Variants in GRAP2 observed in about 807,000 individuals in gnomAD.
GRAP2 encodes GRB2 related adaptor protein 2, also known as GRB2-related adapter protein 2.
In GRAP2, 31 loss-of-function variants were observed where a neutral mutation model predicts 43.5. That is an observed-to-expected ratio of 0.71 (90% CI 0.54 to 0.96). The LOEUF (loss-of-function observed/expected upper bound fraction) is 0.96. Ranked by LOEUF, GRAP2 falls within the 40% of genes least tolerant of loss-of-function variation. The pLI is 0.00. For synonymous variants in GRAP2, 156 were observed against 164.8 expected, an observed-to-expected ratio of 0.95 and a Z score of 0.41; for missense variants, 371 against 424.4, an observed-to-expected ratio of 0.87 and a Z score of 1.11.
chr22:39,930,668 A>G (rs2145604829), intron 1 of GRAP2, among the ~76,000 whole-genome samples: 1 of 152,240 alleles, frequency 6.6e-6, no homozygotes, highest in East Asian at 1.9e-4. Context: ...CTGAATGCAA[A>G]TGTTTTCAAA....
At chr22:39,909,673 A>G (rs922203546) in intron 1 of GRAP2, among the ~76,000 whole-genome samples, 1 of 152,214 alleles carries the variant, frequency 6.6e-6, no homozygotes, top group African/African-American at 2.4e-5. Flanking sequence ...TGAACAGTGT[A>G]TTTGGGAAAC....
chr22:39,921,408 C>T (rs1193861056), intron 1 of GRAP2, among the ~76,000 whole-genome samples: 3 of 152,156 alleles, frequency 2.0e-5, no homozygotes, highest in Admixed American at 6.5e-5. Flanking sequence ...TGCCTGATTC[C>T]GAATGTGAGT....
At chr22:39,929,175 C>T (rs919613340) in intron 1 of GRAP2, among the ~76,000 whole-genome samples, 1 of 152,072 alleles carries the variant, frequency 6.6e-6, no homozygotes, top group Non-Finnish European at 1.5e-5. Context: ...TGATACTGTA[C>T]TATGGTGATG....
Position 39,971,840 on chromosome 22 carries a change from T to C in GRAP2, c.*756T>C, listed in dbSNP as rs919306825. The C allele has an allele frequency of 6.6e-6, 1 of 152,218 alleles. No individual in the cohort carries two copies. The highest frequency in any genetic ancestry group is 1.5e-5 in the Non-Finnish European group (1 of 68,034). 9.4% of individuals were successfully genotyped at this position (152,218 alleles called of 1,614,324 possible). ...AGCAGCTTACTCAGTGGAACCTCTG[T>C]TTCCCCAGCTATGAAGGAAATAGCA... On this transcript the variant is annotated 3_prime_UTR_variant, in exon 8 of 8. Coordinates refer to ENST00000344138, the MANE Select transcript of GRAP2 (RefSeq NM_004810.4).
chr22:39,967,895 C>G (rs1441777373), intron 5 of GRAP2, 147 bp from the exon 6 acceptor site: 1 of 1,000,832 alleles, frequency 1.0e-6, no homozygotes, highest in Non-Finnish European at 1.4e-6. Context: ...AGGTCTAAAG[C>G]ATCAATTATC....
At position 39,969,543 on chromosome 22, in the gene GRAP2, C is replaced by A. The variant is rs746762440; in HGVS notation, c.813+10C>A. ...GCTCCAGGCGGCAGGGGTATGGGAA[C>A]TGTCCTTCTCTGGGATCCCTGGGGA... On this transcript the variant is annotated intron_variant, in intron 7 of 7. Transcript: ENST00000344138. 21 of 1,613,362 alleles carry A rather than the reference C, an allele frequency of 1.3e-5. No homozygotes were observed. In the Admixed American group the frequency reaches 2.8e-4, roughly 22 times the overall value.
rs1328037918 is a variant in GRAP2 at position 39,971,256 on chromosome 22, T to C, written c.*172T>C. On this transcript the variant is annotated 3_prime_UTR_variant, in exon 8 of 8. Transcript: ENST00000344138. ...GGCAATTGGGCTGGTAATTAGTTGA[T>C]GCAAAAGGGAACTCAGGTGGAGAAT... is the stretch of plus-strand genomic sequence containing the variant. 1.8e-6 allele frequency: 1 copy of C among 557,936 alleles called. No individual in the cohort carries two copies. The highest frequency in any genetic ancestry group is 3.1e-6 in the Non-Finnish European group (1 of 325,208). 34.6% of individuals were successfully genotyped at this position (557,936 alleles called of 1,614,324 possible).
chr22:39,912,019 TC>T (rs2066570815), intron 1 of GRAP2, among the ~76,000 whole-genome samples: 1 of 152,246 alleles, frequency 6.6e-6, no homozygotes, highest in African/African-American at 2.4e-5. Context: ...CTTACAAACT[TC>T]CATTTGGTGT....
chr22:39,951,452 C>T (rs1388765260), intron 2 of GRAP2, among the ~76,000 whole-genome samples: 1 of 151,762 alleles, frequency 6.6e-6, no homozygotes, highest in Non-Finnish European at 1.5e-5. Flanking sequence ...TTCATTTCTT[C>T]AATACTTCAG....
chr22:39,959,591 G>A (rs2067094247), intron 3 of GRAP2, among the ~76,000 whole-genome samples: 1 of 152,150 alleles, frequency 6.6e-6, no homozygotes, highest in Non-Finnish European at 1.5e-5. Context: ...AGGCCACTGA[G>A]ACCTCAGGGC....
chr22:39,920,989 CAA>C (rs2066646298), intron 1 of GRAP2, among the ~76,000 whole-genome samples: 2 of 137,322 alleles, frequency 1.5e-5, no homozygotes, highest in East Asian at 2.1e-4. Context: ...CACACACACA[CAA>C]TCTGATGTAA....
chr22:39,964,843 G>T, intron 4 of GRAP2: 1 of 312,786 alleles, frequency 3.2e-6, no homozygotes, highest in South Asian at 8.0e-5. Context: ...CTGCTCTTTG[G>T]TCGTTGTTCT....
chr22:39,926,527 A>AAAAGAACC, intron 1 of GRAP2: 1 of 834,138 alleles, frequency 1.2e-6, no homozygotes. Context: ...GCAAAAGAAC[A>AAAAGAACC]AAAGAACCTT....
chr22:39,962,978 T>C, intron 4 of GRAP2, among the ~76,000 whole-genome samples: 1 of 152,172 alleles, frequency 6.6e-6, no homozygotes, highest in East Asian at 1.9e-4. Context: ...CCCAGAACTA[T>C]GGTTTATATT....
intron 1 of GRAP2, among the ~76,000 whole-genome samples, chr22:39,920,943 G>GACACACACACACACAC (rs137974): frequency 3.6e-4 from 51 of 142,584 alleles, no homozygotes; most frequent in Non-Finnish European, 4.6e-5. Flanking sequence ...TCTCTACACA[G>GACACACACACACACAC]ACACACACAC....
At chr22:39,966,242 G>C in intron 5 of GRAP2, 84 bp downstream of exon 5, 1 of 1,028,504 alleles carries the variant, frequency 9.7e-7, no homozygotes, top group South Asian at 1.4e-5. Flanking sequence ...AAATGCATAG[G>C]ATGGGTAGAT....
At chr22:39,943,302 G>C (rs778355108) in intron 1 of GRAP2, among the ~76,000 whole-genome samples, 29 of 152,214 alleles carry the variant, frequency 1.9e-4, no homozygotes, top group Non-Finnish European at 3.5e-4. Flanking sequence ...TATATAGCCT[G>C]AATATTTTTT....
intron 1 of GRAP2, among the ~76,000 whole-genome samples, chr22:39,905,400 T>C (rs1019567150): frequency 7.9e-5 from 12 of 152,196 alleles, no homozygotes; most frequent in African/African-American, 2.9e-4. Flanking sequence ...GTAATGTTTA[T>C]TGAGTGCTTG....
At chr22:39,960,336 C>T in intron 4 of GRAP2, 162 bp downstream of exon 4, 1 of 653,850 alleles carries the variant, frequency 1.5e-6, no homozygotes, top group Non-Finnish European at 2.7e-6. Flanking sequence ...CTCCCAGTGC[C>T]TTCCCAAAAC....
Sources: gnomAD v4.1 joint callset for allele counts (sites outside exome capture counted in the v4.1 genomes callset) on GRCh38, gnomAD v4.1.1 for gene constraint, MANE v1.5 for transcripts, NCBI Gene and HGNC (gene_info 2026-07-23, HGNC 2026-07-21) for gene names.